DNAH6: variants seen among roughly 807,000 people sequenced by gnomAD.
DNAH6 encodes the protein axonemal beta dynein heavy chain 6.
A neutral mutation model predicts 491.4 loss-of-function variants in DNAH6; 340 were observed. That is an observed-to-expected ratio of 0.69 (90% confidence interval 0.63 to 0.76). The LOEUF (loss-of-function observed/expected upper bound fraction) is 0.76, where lower values mean the gene tolerates loss of function less well. DNAH6 is among the 30% of genes least tolerant of loss of function. The pLI is 0.00. For missense variants in DNAH6, 4,443 were observed against 4,972.2 expected (o/e 0.89, Z 3.20); for synonymous variants, 1,603 against 1,686.1 (o/e 0.95, Z 1.21).
chr2:84,700,064 A>G (rs1558928504), intron 48 of DNAH6, among the ~76,000 whole-genome samples: 1 of 152,196 alleles, frequency 6.6e-6, no homozygotes, highest in Non-Finnish European at 1.5e-5. Context: ...TTTTGCCCCA[A>G]AGGAAAGCAG....
At chr2:84,564,886 A>G (rs1558722891) in intron 11 of DNAH6, among the ~76,000 whole-genome samples, 1 of 151,870 alleles carries the variant, frequency 6.6e-6, no homozygotes, top group African/African-American at 2.4e-5. Flanking sequence ...CTGCTTAGGG[A>G]TTTTATCATG....
chr2:84,744,666 G>T (rs548987445), intron 62 of DNAH6, among the ~76,000 whole-genome samples: 2 of 151,406 alleles, frequency 1.3e-5, no homozygotes, highest in African/African-American at 2.4e-5. Flanking sequence ...GGCTCACCTG[G>T]GTTCATTTTA....
chr2:84,719,869 AACACACACAC>A (rs72442165), intron 59 of DNAH6, among the ~76,000 whole-genome samples: 5 of 144,778 alleles, frequency 3.5e-5, no homozygotes, highest in South Asian at 2.2e-4. Flanking sequence ...CTGTACCTCT[AACACACACAC>A]ACACACACAC....
chr2:84,625,974 T>C (rs1687817795), intron 29 of DNAH6, among the ~76,000 whole-genome samples: 1 of 152,228 alleles, frequency 6.6e-6, no homozygotes, highest in Non-Finnish European at 1.5e-5. Context: ...GTTAGTTTCT[T>C]AAAGGTTATT....
chr2:84,754,658 C>T (rs1673823014), intron 63 of DNAH6, among the ~76,000 whole-genome samples: 1 of 152,160 alleles, frequency 6.6e-6, no homozygotes, highest in African/African-American at 2.4e-5. Context: ...ATCCTTATTC[C>T]AATGTCACAC....
intron 18 of DNAH6, among the ~76,000 whole-genome samples, chr2:84,603,794 T>C (rs1383373637): frequency 1.3e-5 from 2 of 152,202 alleles, no homozygotes; most frequent in African/African-American, 4.8e-5. Flanking sequence ...CTCTTTTCCC[T>C]GTACATCAAG....
chr2:84,508,699 C>A, the DNAH6 span, among the ~76,000 whole-genome samples: 2 of 152,024 alleles, frequency 1.3e-5, no homozygotes, highest in African/African-American at 2.4e-5. Context: ...CTCTTATGGG[C>A]ATTTAGTGCT....
chr2:84,590,820 G>A lies in DNAH6; in HGVS notation c.2610+1866G>A, dbSNP rs150254588. ...AGGAAGTTCTCAGCTTCTCCCTGGC[G>A]AAGGAGGGAAAGACAGACTGGATGG... On this transcript the variant is annotated intron_variant, in intron 16 of 76. Coordinates refer to ENST00000389394, the MANE Select transcript of DNAH6 (RefSeq NM_001370.2). Among the ~76,000 whole-genome samples the A allele has an allele frequency of 2.6e-5, 4 of 152,266 alleles. No individual in the cohort carries two copies. In the South Asian group the frequency reaches 6.2e-4, roughly 24 times the overall value.
intron 4 of DNAH6, among the ~76,000 whole-genome samples, chr2:84,534,021 C>T (rs954753063): frequency 6.6e-6 from 1 of 151,970 alleles, no homozygotes; most frequent in Admixed American, 6.6e-5. Flanking sequence ...ATTCAGATGG[C>T]TAAAGAGAAC....
intron 68 of DNAH6, among the ~76,000 whole-genome samples, chr2:84,791,676 A>T (rs1677763061): frequency 6.7e-6 from 1 of 149,938 alleles, no homozygotes; most frequent in South Asian, 2.1e-4. Context: ...ATATAAGAAT[A>T]GACATATTTT....
intron 56 of DNAH6, 127 bp downstream of exon 56, chr2:84,710,539 A>G: frequency 1.1e-6 from 1 of 893,364 alleles, no homozygotes; most frequent in East Asian, 2.7e-5. Flanking sequence ...TGGTCAAACC[A>G]GTTCCTCTTC....
At chr2:84,725,073 G>T (rs1421557168) in intron 60 of DNAH6, among the ~76,000 whole-genome samples, 2 of 152,156 alleles carry the variant, frequency 1.3e-5, no homozygotes, top group African/African-American at 4.8e-5. Context: ...CTCCCAGGAG[G>T]CAAAAATGAA....
chr2:84,573,917 C>T lies in DNAH6; in HGVS notation c.1924+330C>T, dbSNP rs541448489. Among the ~76,000 whole-genome samples, 4 of 152,118 alleles carry T rather than the reference C, an allele frequency of 2.6e-5. No homozygotes were observed. The South Asian group carries it at 8.3e-4, about 32-fold the overall frequency. ...AAAGGAATGGATACCTCTACCAATT[C>T]CATTAAATAAAGTTTACATAAGCTT... is the stretch of plus-strand genomic sequence containing the variant. On this transcript the variant is annotated intron_variant, in intron 12 of 76. Coordinates refer to ENST00000389394, the MANE Select transcript of DNAH6 (RefSeq NM_001370.2).
intron 62 of DNAH6, among the ~76,000 whole-genome samples, chr2:84,741,523 T>C (rs191766703): frequency 6.6e-6 from 1 of 152,108 alleles, no homozygotes; most frequent in East Asian, 1.9e-4. Flanking sequence ...AAAGGGCACC[T>C]TGGGCCTGGG....
intron 68 of DNAH6, among the ~76,000 whole-genome samples, chr2:84,796,055 A>G (rs1678314493): frequency 6.6e-6 from 1 of 152,224 alleles, no homozygotes; most frequent in Admixed American, 6.5e-5. Context: ...AATAGAGCTC[A>G]GTGGCTTTAG....
intron 63 of DNAH6, among the ~76,000 whole-genome samples, 182 bp downstream of exon 63, chr2:84,745,431 C>T (rs574830880): frequency 4.6e-5 from 7 of 152,204 alleles, no homozygotes; most frequent in East Asian, 3.9e-4. Flanking sequence ...TTTGGGAGAC[C>T]GAGGCAGGTG....
At chr2:84,589,055 G>C in intron 16 of DNAH6, 101 bp downstream of exon 16, 1 of 1,107,940 alleles carries the variant, frequency 9.0e-7, no homozygotes, top group Non-Finnish European at 1.2e-6. Flanking sequence ...TCAATATTTG[G>C]ACAACTATGT....
chr2:84,783,515 A>T (rs1035858108), intron 65 of DNAH6, among the ~76,000 whole-genome samples: 5 of 152,238 alleles, frequency 3.3e-5, no homozygotes, highest in African/African-American at 4.8e-5. Context: ...AGTTTTTACT[A>T]TGCAAACAGT....
chr2:84,700,996 TGGGCA>T, intron 48 of DNAH6, 96 bp from the exon 49 acceptor site: 1 of 1,336,768 alleles, frequency 7.5e-7, no homozygotes, highest in Non-Finnish European at 1.0e-6. Context: ...AAGAGGGGAC[TGGGCA>T]GGGAGGAGTT....
Sources: allele counts gnomAD v4.1 joint callset (sites outside exome capture counted in the v4.1 genomes callset), GRCh38; gene constraint gnomAD v4.1.1; transcripts MANE v1.5; gene names NCBI Gene and HGNC (gene_info 2026-07-23, HGNC 2026-07-21).